Variants in PDGFC observed in about 807,000 individuals in gnomAD.
PDGFC encodes platelet-derived growth factor C.
PDGFC carries 12 observed loss-of-function variants against 35.5 expected under a neutral mutation model. The ratio of observed to expected loss-of-function variants is 0.34; its 90% confidence interval spans 0.22 to 0.55. PDGFC has a LOEUF of 0.55. Among genes scored for constraint, PDGFC ranks in the 20% least tolerant of loss-of-function variants. The pLI, the probability that PDGFC is intolerant of heterozygous loss-of-function variation, is 0.91. For synonymous variants in PDGFC, 159 were observed against 148.8 expected, an observed-to-expected ratio of 1.07 and a Z score of -0.50; for missense variants, 322 against 412.4, an observed-to-expected ratio of 0.78 and a Z score of 1.90.
intron 3 of PDGFC, among the ~76,000 whole-genome samples, chr4:156,790,830 C>T (rs1012553513): frequency 5.3e-5 from 8 of 152,120 alleles, no homozygotes; most frequent in South Asian, 4.2e-4. Context: ...ATACTGAGAA[C>T]GGGGCAAGCC....
intron 1 of PDGFC, among the ~76,000 whole-genome samples, chr4:156,937,005 A>T (rs1032049604): frequency 2.6e-5 from 4 of 152,342 alleles, no homozygotes; most frequent in African/African-American, 9.6e-5. Context: ...GAGAAATAAG[A>T]TCAGTTTTGA....
chr4:156,815,225 C>CT (rs112630849), intron 2 of PDGFC, among the ~76,000 whole-genome samples: 69,371 of 151,296 alleles, frequency 0.46, 18,551 homozygotes, highest in African/African-American at 0.75. Context: ...ATATATAATT[C>CT]CAAATTCATG....
At chr4:156,931,311 T>G (rs577011509) in intron 1 of PDGFC, among the ~76,000 whole-genome samples, 2 of 152,302 alleles carry the variant, frequency 1.3e-5, no homozygotes, top group Non-Finnish European at 2.9e-5. Flanking sequence ...ATAAAAAGAT[T>G]GTTAAGAGTG....
At chr4:156,849,203 CTAAAGA>C (rs921794078) in intron 2 of PDGFC, among the ~76,000 whole-genome samples, 21 of 151,852 alleles carry the variant, frequency 1.4e-4, no homozygotes, top group Non-Finnish European at 5.9e-5. Flanking sequence ...TGGTAGTCTT[CTAAAGA>C]TAATCAGGGT....
intron 3 of PDGFC, among the ~76,000 whole-genome samples, chr4:156,786,237 C>T (rs946661969): frequency 5.9e-5 from 9 of 152,094 alleles, no homozygotes; most frequent in Admixed American, 5.9e-4. Flanking sequence ...ATATCTCTGC[C>T]TTTATGTAAT....
intron 1 of PDGFC, among the ~76,000 whole-genome samples, chr4:156,921,026 TGA>T (rs1731264196): frequency 6.6e-6 from 1 of 152,192 alleles, no homozygotes; most frequent in African/African-American, 2.4e-5. Context: ...GCTATGAATG[TGA>T]CTAGAAGCTG....
intron 3 of PDGFC, among the ~76,000 whole-genome samples, chr4:156,780,571 T>C (rs962012409): frequency 5.9e-5 from 9 of 152,208 alleles, no homozygotes; most frequent in African/African-American, 1.9e-4. Flanking sequence ...ATAAGTTAAA[T>C]AGTTGGATAA....
At chr4:156,817,798 C>A (rs951456478) in intron 2 of PDGFC, among the ~76,000 whole-genome samples, 1 of 152,014 alleles carries the variant, frequency 6.6e-6, no homozygotes, top group African/African-American at 2.4e-5. Flanking sequence ...GTGGCTCATG[C>A]CTGTAATCCC....
intron 1 of PDGFC, among the ~76,000 whole-genome samples, chr4:156,898,706 T>C (rs1039518956): frequency 2.6e-5 from 4 of 152,196 alleles, no homozygotes; most frequent in African/African-American, 9.6e-5. Flanking sequence ...TCACCCAGCC[T>C]GGCGTGCACT....
chr4:156,925,742 T>TA (rs200475937), intron 1 of PDGFC, among the ~76,000 whole-genome samples: 42,327 of 138,334 alleles, frequency 0.31, 6,539 homozygotes, highest in South Asian at 0.49. Context: ...AGTATTATTC[T>TA]AAAAAAAAAA....
At chr4:156,869,609 T>C (rs1729931399) in intron 1 of PDGFC, among the ~76,000 whole-genome samples, 2 of 152,204 alleles carry the variant, frequency 1.3e-5, no homozygotes, top group Non-Finnish European at 2.9e-5. Flanking sequence ...TTTTAATCAA[T>C]ACTTCATTTA....
chr4:156,900,126 C>A (rs1220687890), intron 1 of PDGFC, among the ~76,000 whole-genome samples: 1 of 152,208 alleles, frequency 6.6e-6, no homozygotes, highest in East Asian at 1.9e-4. Flanking sequence ...CCAGTCATCT[C>A]TACTTTCAAC....
intron 1 of PDGFC, among the ~76,000 whole-genome samples, chr4:156,934,885 G>GGGGCAATAA (rs1238450294): frequency 6.6e-6 from 1 of 152,126 alleles, no homozygotes; most frequent in Non-Finnish European, 1.5e-5. Context: ...AAGGTTTTCA[G>GGGGCAATAA]GGGCAATAAT....
intron 1 of PDGFC, among the ~76,000 whole-genome samples, chr4:156,959,270 C>CA (rs1381367359): frequency 6.6e-6 from 1 of 151,726 alleles, no homozygotes; most frequent in Non-Finnish European, 1.5e-5. Flanking sequence ...AACAAATAAA[C>CA]AAAAAATAAG....
chr4:156,899,097 T>C (rs1160707384), intron 1 of PDGFC, among the ~76,000 whole-genome samples: 2 of 152,250 alleles, frequency 1.3e-5, no homozygotes, highest in Non-Finnish European at 2.9e-5. Context: ...TATAGTATAA[T>C]TGGCCCTCCA....
chr4:156,896,812 A>G (rs1198669959), intron 1 of PDGFC, among the ~76,000 whole-genome samples: 2 of 152,194 alleles, frequency 1.3e-5, no homozygotes, highest in Non-Finnish European at 2.9e-5. Flanking sequence ...CGGCCACTAA[A>G]AGACACTTCA....
chr4:156,780,947 T>C (rs1383836367), intron 3 of PDGFC, among the ~76,000 whole-genome samples: 1 of 152,210 alleles, frequency 6.6e-6, no homozygotes, highest in East Asian at 1.9e-4. Flanking sequence ...TCCTTAGCTC[T>C]GAGTGCTGGT....
At chr4:156,928,906 G>A (rs1422256057) in intron 1 of PDGFC, among the ~76,000 whole-genome samples, 1 of 152,150 alleles carries the variant, frequency 6.6e-6, no homozygotes, top group African/African-American at 2.4e-5. Flanking sequence ...TAAGAGAACT[G>A]TCTGTTAACA....
chr4:156,804,670 C>A (rs918083792), intron 3 of PDGFC, among the ~76,000 whole-genome samples: 1 of 151,880 alleles, frequency 6.6e-6, no homozygotes, highest in African/African-American at 2.4e-5. Flanking sequence ...TGAATCTTCT[C>A]AACAAATATC....
Sources: gnomAD v4.1 joint callset for allele counts (sites outside exome capture counted in the v4.1 genomes callset) on GRCh38, gnomAD v4.1.1 for gene constraint, MANE v1.5 for transcripts, NCBI Gene and HGNC (gene_info 2026-07-23, HGNC 2026-07-21) for gene names.